Variants in MYO9A observed in about 807,000 individuals in gnomAD.
The protein encoded by MYO9A is myosin IXA.
Under a neutral mutation model 293.3 loss-of-function variants are expected in MYO9A, and 103 were observed. The ratio of observed to expected loss-of-function variants is 0.35; its 90% confidence interval spans 0.30 to 0.41. MYO9A has a LOEUF of 0.41. Ranked by LOEUF, MYO9A falls within the 10% of genes least tolerant of loss-of-function variation. The probability of loss-of-function intolerance (pLI) is 1.00; values close to 1 mark genes in which losing one functional copy is unlikely to be tolerated. For synonymous variants in MYO9A, 1,001 were observed against 1,035.7 expected (o/e 0.97, Z 0.64); for missense variants, 2,685 against 3,033.0 (o/e 0.89, Z 2.69).
intron 2 of MYO9A, chr15:72,041,153 G>A: frequency 1.2e-6 from 1 of 821,662 alleles, no homozygotes; most frequent in Non-Finnish European, 2.0e-6. Context: ...GCTGAGGTGG[G>A]AGAATTGCTT....
chr15:72,039,167 A>C (rs1029736794), intron 2 of MYO9A, among the ~76,000 whole-genome samples: 1 of 152,076 alleles, frequency 6.6e-6, no homozygotes, highest in African/African-American at 2.4e-5. Flanking sequence ...CTTTATTGAG[A>C]ATTGGTCATG....
chr15:71,906,320 T>C (rs924093200), intron 19 of MYO9A, among the ~76,000 whole-genome samples: 2 of 152,220 alleles, frequency 1.3e-5, no homozygotes, highest in Non-Finnish European at 2.9e-5. Flanking sequence ...CAAATTTCAG[T>C]TAGGTCAAGT....
At chr15:71,893,212 A>T (rs1220796808) in intron 26 of MYO9A, 1 of 1,230,722 alleles carries the variant, frequency 8.1e-7, no homozygotes, top group Non-Finnish European at 1.0e-6. Context: ...ATAACACAAC[A>T]ATGTTTGGGG....
At chr15:71,934,442 G>C (rs370040646) in intron 17 of MYO9A, among the ~76,000 whole-genome samples, 2 of 152,100 alleles carry the variant, frequency 1.3e-5, no homozygotes, top group African/African-American at 2.4e-5. Context: ...CTCTGGGCTA[G>C]AGCAAGACCT....
chr15:72,101,343 C>A (rs1340413015), intron 1 of MYO9A, among the ~76,000 whole-genome samples: 3 of 100,638 alleles, frequency 3.0e-5, no homozygotes, highest in African/African-American at 1.0e-4. Flanking sequence ...GAGGTCGGGG[C>A]GTCAGCCTCC....
chr15:71,959,717 C>G (rs1051023555), intron 14 of MYO9A, 184 bp downstream of exon 14: 53 of 593,544 alleles, frequency 8.9e-5, no homozygotes, highest in Middle Eastern at 8.9e-4. Flanking sequence ...AACTCTTTTA[C>G]AGAAAAGAAA....
intron 32 of MYO9A, 84 bp from the exon 33 acceptor site, chr15:71,862,695 G>A: frequency 1.2e-6 from 1 of 822,608 alleles, no homozygotes; most frequent in Non-Finnish European, 2.0e-6. Context: ...TCAATCTCTT[G>A]TTAAGTCTTC....
At chr15:72,008,449 G>GTGTGTC (rs2077078754) in intron 7 of MYO9A, among the ~76,000 whole-genome samples, 1 of 150,458 alleles carries the variant, frequency 6.6e-6, no homozygotes. Flanking sequence ...GTGTGTGTGT[G>GTGTGTC]TGTGTGTGTG....
Position 71,994,754 on chromosome 15 carries a change from G to A in MYO9A, c.1471-169C>T, listed in dbSNP as rs541816674. ...TAAAGTTTTTTGTTTGTTTGTTTTT[G>A]AGAGTTTGGCTCTCATTGGCCACGC... On this transcript the variant is annotated intron_variant, in intron 9 of 41. Coordinates refer to ENST00000356056, the MANE Select transcript of MYO9A (RefSeq NM_006901.4). 5.3e-5 allele frequency among the ~76,000 whole-genome samples: 8 copies of A among 152,270 alleles called. No individual in the cohort carries two copies. In the East Asian group the frequency reaches 5.8e-4, roughly 11 times the overall value.
intron 39 of MYO9A, among the ~76,000 whole-genome samples, chr15:71,835,618 AG>A (rs1203470543): frequency 6.6e-6 from 1 of 152,194 alleles, no homozygotes; most frequent in Non-Finnish European, 1.5e-5. Context: ...TTTTGAGAGT[AG>A]CTAATGATCT....
At position 71,903,988 on chromosome 15, in the gene MYO9A, C is replaced by T. The variant is rs374322806; in HGVS notation, c.2818G>A (p.Gly940Arg). ...CGAATTCGAACTGTTTCCAGCATCC[C>T]GGTGTATCGAAGCTGTCTAAGTACC... is the stretch of plus-strand genomic sequence containing the variant. Reference protein sequence around the residue: ...VLVLRQLRYTGMLETVRIRQS... With the variant: ...VLVLRQLRYTRMLETVRIRQS... The change falls in exon 21 of 42, where the codon GGG (glycine) becomes AGG (arginine). Residue 940 changes from glycine (G) to arginine (R), a missense_variant. Gly to Arg is a moderately radical substitution (Grantham distance 125). Coordinates refer to ENST00000356056, the MANE Select transcript of MYO9A (RefSeq NM_006901.4). 6 of 1,613,992 alleles carry T rather than the reference C, an allele frequency of 3.7e-6. No homozygotes were observed. Among genetic ancestry groups the T allele is most frequent in the Admixed American group, 1.7e-5 (1 of 59,996 alleles).
intron 18 of MYO9A, among the ~76,000 whole-genome samples, chr15:71,917,479 G>A (rs920711551): frequency 1.3e-5 from 2 of 152,114 alleles, no homozygotes; most frequent in Non-Finnish European, 2.9e-5. Flanking sequence ...AGGCTGCAGC[G>A]AGCCAAGATT....
At chr15:71,941,659 C>A (rs1237052702) in intron 15 of MYO9A, among the ~76,000 whole-genome samples, 3 of 151,778 alleles carry the variant, frequency 2.0e-5, no homozygotes, top group Admixed American at 2.0e-4. Flanking sequence ...CAATGAAAGT[C>A]CAAAAGGTAC....
intron 11 of MYO9A, among the ~76,000 whole-genome samples, chr15:71,985,834 G>C (rs1157240776): frequency 6.6e-6 from 1 of 152,118 alleles, no homozygotes; most frequent in Non-Finnish European, 1.5e-5. Context: ...TTTCTAGTCT[G>C]ACAACAACAA....
At chr15:71,925,383 G>A (rs1411790499) in intron 18 of MYO9A, among the ~76,000 whole-genome samples, 2 of 150,590 alleles carry the variant, frequency 1.3e-5, no homozygotes, top group South Asian at 2.1e-4. Flanking sequence ...ACGTATATAC[G>A]TGTATATGGA....
chr15:71,882,636 T>C (rs534165445), intron 28 of MYO9A, among the ~76,000 whole-genome samples: 13 of 152,090 alleles, frequency 8.5e-5, no homozygotes, highest in East Asian at 3.9e-4. Context: ...GTCTCTAAAA[T>C]TGAAAAATAA....
chr15:72,053,553 G>T (rs549666509), intron 1 of MYO9A, among the ~76,000 whole-genome samples: 1 of 152,092 alleles, frequency 6.6e-6, no homozygotes, highest in Admixed American at 6.6e-5. Context: ...GCAAACTAAC[G>T]CAAGAACAGA....
chr15:72,087,381 GGAGTGCT>G (rs1156450056), intron 1 of MYO9A, among the ~76,000 whole-genome samples: 4 of 152,188 alleles, frequency 2.6e-5, no homozygotes, highest in African/African-American at 7.2e-5. Flanking sequence ...TGCACTGACT[GGAGTGCT>G]GCCTCTACCA....
intron 9 of MYO9A, among the ~76,000 whole-genome samples, chr15:71,997,159 A>G (rs1323191472): frequency 6.6e-6 from 1 of 152,198 alleles, no homozygotes; most frequent in Non-Finnish European, 1.5e-5. Context: ...AAACAAAAAA[A>G]CAAATTAAGA....
Sources: allele counts gnomAD v4.1 joint callset (sites outside exome capture counted in the v4.1 genomes callset), GRCh38; gene constraint gnomAD v4.1.1; transcripts MANE v1.5; gene names NCBI Gene and HGNC (gene_info 2026-07-23, HGNC 2026-07-21).